Variants in RNFT2 observed in about 807,000 individuals in gnomAD.
RNFT2 encodes ring finger protein, transmembrane 2, also known as E3 ubiquitin-protein ligase RNFT2.
In RNFT2, 36 loss-of-function variants were observed where a neutral mutation model predicts 53.0. That is an observed-to-expected ratio of 0.68 (90% confidence interval 0.52 to 0.90). RNFT2 has a LOEUF of 0.90. Ranked by LOEUF, RNFT2 falls within the 40% of genes least tolerant of loss-of-function variation. The probability of loss-of-function intolerance (pLI) is 0.00; values close to 1 mark genes in which losing one functional copy is unlikely to be tolerated. For synonymous variants in RNFT2, 260 were observed against 253.2 expected (o/e 1.03, Z -0.26); for missense variants, 514 against 585.6 (o/e 0.88, Z 1.26).
At chr12:116,771,336 T>C (rs971011018) in intron 6 of RNFT2, among the ~76,000 whole-genome samples, 2 of 151,550 alleles carry the variant, frequency 1.3e-5, no homozygotes, top group Non-Finnish European at 2.9e-5. Context: ...GGCGTGCACC[T>C]ATAGTCCCCG....
Position 116,839,424 on chromosome 12 carries a change from G to GAT in RNFT2, c.1200+3142_1200+3143insAT, listed in dbSNP as rs1464429885. ...GATGGATGGATGGGATGGGTGGGTG[G>GAT]GTGGATGGATGGATGGATGGATGGA... On this transcript the variant is annotated intron_variant, in intron 10 of 10. Coordinates refer to ENST00000257575, the MANE Select transcript of RNFT2 (RefSeq NM_001382266.1). Among the ~76,000 whole-genome samples the GAT allele has an allele frequency of 5.0e-3, 625 of 124,352 alleles. 4 individuals carry two copies. The highest frequency in any genetic ancestry group is 0.019 in the African/African-American group (586 of 30,612). 81.6% of individuals were successfully genotyped at this position (124,352 alleles called of 152,430 possible). A position where few individuals can be genotyped will look rare whatever the true frequency, so the allele number is the denominator to read the frequency against.
chr12:116,841,975 A>G (rs1877362852), intron 10 of RNFT2, among the ~76,000 whole-genome samples: 1 of 139,026 alleles, frequency 7.2e-6, no homozygotes, highest in South Asian at 2.2e-4. Flanking sequence ...AGAGAGAGAG[A>G]GAGAGAGAGA....
chr12:116,762,903 T>C (rs1872744049), intron 5 of RNFT2, among the ~76,000 whole-genome samples: 1 of 152,112 alleles, frequency 6.6e-6, no homozygotes. Context: ...TGAGCCACCA[T>C]ACCTGGCTTG....
At chr12:116,842,748 A>G (rs966249501) in intron 10 of RNFT2, among the ~76,000 whole-genome samples, 1 of 151,966 alleles carries the variant, frequency 6.6e-6, no homozygotes, top group Non-Finnish European at 1.5e-5. Flanking sequence ...TAATTTTTGC[A>G]TTTTTAGTAG....
At chr12:116,835,718 C>T (rs1047916796) in intron 8 of RNFT2, among the ~76,000 whole-genome samples, 6 of 152,132 alleles carry the variant, frequency 3.9e-5, no homozygotes, top group African/African-American at 1.4e-4. Flanking sequence ...GGGAAATAGG[C>T]ACTATGCATG....
intron 3 of RNFT2, among the ~76,000 whole-genome samples, chr12:116,745,064 T>C (rs1871830671): frequency 6.6e-6 from 1 of 151,950 alleles, no homozygotes; most frequent in Non-Finnish European, 1.5e-5. Context: ...ATTATTATTA[T>C]CCAGAGCCCA....
chr12:116,844,139 G>A (rs1877493743), intron 10 of RNFT2, among the ~76,000 whole-genome samples: 1 of 152,118 alleles, frequency 6.6e-6, no homozygotes, highest in Non-Finnish European at 1.5e-5. Context: ...AGTATACAGT[G>A]GAGTTTTCCA....
chr12:116,803,894 A>G (rs1034080116), intron 7 of RNFT2, among the ~76,000 whole-genome samples: 1 of 152,230 alleles, frequency 6.6e-6, no homozygotes, highest in Non-Finnish European at 1.5e-5. Context: ...GGTGCAGAAC[A>G]CTTCCACCCA....
At chr12:116,815,597 A>G (rs1875612784) in intron 7 of RNFT2, among the ~76,000 whole-genome samples, 1 of 152,108 alleles carries the variant, frequency 6.6e-6, no homozygotes, top group Non-Finnish European at 1.5e-5. Context: ...GCCTTCCTCT[A>G]ATAAGGATCC....
At chr12:116,804,856 A>G (rs954371910) in intron 7 of RNFT2, among the ~76,000 whole-genome samples, 1 of 152,190 alleles carries the variant, frequency 6.6e-6, no homozygotes, top group Non-Finnish European at 1.5e-5. Flanking sequence ...AGTTCCAGCT[A>G]TTCAGGAAGC....
Position 116,762,580 on chromosome 12 carries a change from A to ATTTT in RNFT2, c.628-4220_628-4217dup, listed in dbSNP as rs112850108. On this transcript the variant is annotated intron_variant, in intron 5 of 10. Coordinates refer to ENST00000257575, the MANE Select transcript of RNFT2 (RefSeq NM_001382266.1). ...AGCAAGACCCCTTTCTTCTCTACCA[A>ATTTT]TTTTTTTTTTTTTTTTTGAGATGAA... Among the ~76,000 whole-genome samples the ATTTT allele has an allele frequency of 5.4e-4, 75 of 137,784 alleles. 1 individual carries two copies. The Middle Eastern group carries it at 0.015, about 27-fold the overall frequency. 90.4% of individuals were successfully genotyped at this position (137,784 alleles called of 152,430 possible). A position where few individuals can be genotyped will look rare whatever the true frequency, so the allele number is the denominator to read the frequency against.
chr12:116,828,198 C>G (rs1179340614), intron 7 of RNFT2, among the ~76,000 whole-genome samples: 1 of 152,160 alleles, frequency 6.6e-6, no homozygotes, highest in East Asian at 1.9e-4. Context: ...GCCCTCATTT[C>G]TTCACCAGCT....
chr12:116,743,250 TAAAA>T (rs1592933006), intron 3 of RNFT2, among the ~76,000 whole-genome samples: 1 of 16,190 alleles, frequency 6.2e-5, no homozygotes, highest in African/African-American at 1.7e-4. Context: ...AAAAACCGGT[TAAAA>T]AACACTCATG....
chr12:116,767,189 A>G lies in RNFT2; in HGVS notation c.728+275A>G, dbSNP rs541420932. 3.9e-5 allele frequency among the ~76,000 whole-genome samples: 6 copies of G among 152,274 alleles called. No homozygotes were observed. In the South Asian group the frequency reaches 1.2e-3, roughly 32 times the overall value. ...AATAATTGATTTTATTTAACCCAGTATATCAAAAATATTTGTTTTTTGTTT... is the reference window on the plus strand; with the variant it reads ...AATAATTGATTTTATTTAACCCAGTGTATCAAAAATATTTGTTTTTTGTTT... On this transcript the variant is annotated intron_variant, in intron 6 of 10. Coordinates refer to ENST00000257575, the MANE Select transcript of RNFT2 (RefSeq NM_001382266.1).
intron 7 of RNFT2, 54 bp downstream of exon 7, chr12:116,779,402 G>A (rs1873590518): frequency 1.8e-5 from 28 of 1,591,550 alleles, no homozygotes; most frequent in Non-Finnish European, 2.3e-5. Context: ...TCATGCAGAG[G>A]ATTCAGGGTG....
At chr12:116,750,802 TATATATA>T (rs1381751878) in intron 4 of RNFT2, among the ~76,000 whole-genome samples, 2,179 of 27,022 alleles carry the variant, frequency 0.081, 129 homozygotes, top group African/African-American at 0.22. Context: ...TGTGTGTATA[TATATATA>T]ATATATATAT....
chr12:116,838,913 C>A lies in RNFT2; in HGVS notation c.1200+2631C>A, dbSNP rs116518347. 1.9e-3 allele frequency among the ~76,000 whole-genome samples: 296 copies of A among 152,320 alleles called. 1 individual carries two copies. Among genetic ancestry groups the A allele is most frequent in the African/African-American group, 5.9e-3 (247 of 41,558 alleles). ...AGACTGTACATATGACCAGGCCAGG[C>A]ACACATTTTAGTCTTGCTCTGTTGC... is the stretch of plus-strand genomic sequence containing the variant. On this transcript the variant is annotated intron_variant, in intron 10 of 10. Coordinates refer to ENST00000257575, the MANE Select transcript of RNFT2 (RefSeq NM_001382266.1).
chr12:116,789,595 T>G (rs1874122272), intron 7 of RNFT2, among the ~76,000 whole-genome samples: 1 of 125,320 alleles, frequency 8.0e-6, no homozygotes, highest in Admixed American at 8.2e-5. Flanking sequence ...GGTAGGAGAG[T>G]GGTGGGTGGA....
intron 7 of RNFT2, among the ~76,000 whole-genome samples, chr12:116,785,275 G>GTGTGTGTGTGTGT (rs1555261550): frequency 1.4e-5 from 2 of 138,118 alleles, no homozygotes; most frequent in African/African-American, 6.4e-5. Flanking sequence ...GTGTGTGTGT[G>GTGTGTGTGTGTGT]GCGGGGGGGG....
Sources: allele counts gnomAD v4.1 joint callset (sites outside exome capture counted in the v4.1 genomes callset), GRCh38; gene constraint gnomAD v4.1.1; transcripts MANE v1.5; gene names NCBI Gene and HGNC (gene_info 2026-07-23, HGNC 2026-07-21).